FAM107A: variants seen among roughly 807,000 people sequenced by gnomAD.
FAM107A encodes the protein actin-associated protein FAM107A.
FAM107A carries 19 observed loss-of-function variants against 13.7 expected under a neutral mutation model. The ratio of observed to expected loss-of-function variants is 1.38; its 90% CI spans 0.97 to 2.03. FAM107A has a LOEUF of 2.03. Among genes scored for constraint, FAM107A ranks in the 30% most tolerant of loss-of-function variants. The pLI, the probability that FAM107A is intolerant of heterozygous loss-of-function variation, is 0.00. For missense variants in FAM107A, 203 were observed against 184.4 expected (o/e 1.10, Z -0.58); for synonymous variants, 82 against 74.5 (o/e 1.10, Z -0.52).
intron 1 of FAM107A, among the ~76,000 whole-genome samples, chr3:58,614,696 G>C (rs532628748): frequency 2.6e-5 from 4 of 152,020 alleles, no homozygotes; most frequent in African/African-American, 7.2e-5. Context: ...GTAGAGACAG[G>C]GTTTTGCCAT....
At chr3:58,591,543 C>A (rs1208563769), upstream of FAM107A, among the ~76,000 whole-genome samples, 1 of 152,142 alleles carries the variant, frequency 6.6e-6, no homozygotes, top group Non-Finnish European at 1.5e-5. This position sits in a 1 kb window ranked among gnomAD's most constrained non-coding sequence, Gnocchi z 4.3. Context: ...TCTCTGGGTT[C>A]CCTGAAAGCC....
chr3:58,584,537 G>A (rs1172564916), intron 1 of FAM107A, among the ~76,000 whole-genome samples: 2 of 152,126 alleles, frequency 1.3e-5, no homozygotes, highest in East Asian at 3.9e-4. Flanking sequence ...TGGACCATGG[G>A]CAAGGTGCTT....
intron 1 of FAM107A, among the ~76,000 whole-genome samples, chr3:58,600,008 C>A (rs112223724): frequency 6.6e-6 from 1 of 151,850 alleles, no homozygotes; most frequent in East Asian, 1.9e-4. Context: ...TGTTATTCTT[C>A]GGCAAAAAGT....
intron 3 of FAM107A, 155 bp from the exon 4 acceptor site, chr3:58,566,850 C>T: frequency 1.6e-6 from 1 of 641,744 alleles, no homozygotes; most frequent in South Asian, 1.9e-5. Context: ...GGGCACAGAG[C>T]ATGAGACTGA....
chr3:58,575,702 T>G (rs2108050219), intron 1 of FAM107A, among the ~76,000 whole-genome samples: 1 of 152,340 alleles, frequency 6.6e-6, no homozygotes, highest in Non-Finnish European at 1.5e-5. Context: ...GTGAGCCCAT[T>G]TTATAGATAA....
At chr3:58,598,494 C>T (rs1417790304) in intron 1 of FAM107A, among the ~76,000 whole-genome samples, 1 of 152,166 alleles carries the variant, frequency 6.6e-6, no homozygotes, top group Non-Finnish European at 1.5e-5. Flanking sequence ...TGGGTGGGAG[C>T]CACCCACCCC....
chr3:58,595,474 T>G (rs1406228468), intron 1 of FAM107A, among the ~76,000 whole-genome samples: 1 of 152,168 alleles, frequency 6.6e-6, no homozygotes, highest in Non-Finnish European at 1.5e-5. Flanking sequence ...TCCCTGCCCT[T>G]GCGATAATGT....
chr3:58,612,848 C>G (rs1023352289), intron 1 of FAM107A, among the ~76,000 whole-genome samples: 1 of 152,130 alleles, frequency 6.6e-6, no homozygotes, highest in East Asian at 1.9e-4. Context: ...CTCATCACCG[C>G]CCCCTTGCCT....
At chr3:58,599,983 A>C (rs1016149609) in intron 1 of FAM107A, among the ~76,000 whole-genome samples, 1 of 151,962 alleles carries the variant, frequency 6.6e-6, no homozygotes, top group Non-Finnish European at 1.5e-5. Flanking sequence ...GCCCAGGTGC[A>C]GTATTAAATA....
rs1376559987 is a variant in FAM107A, at chr3:58,569,155, A to G, written c.170+536T>C. On this transcript the variant is annotated intron_variant, in intron 2 of 3. Coordinates refer to ENST00000360997, the MANE Select transcript of FAM107A (RefSeq NM_001076778.3). The surrounding 1 kb of genome is among the most constrained non-coding windows in gnomAD (Gnocchi z 5.7). The stretch of plus-strand genomic sequence containing the variant: ...TGACTCCTGTTTCCTGTTCATTTAC[A>G]TATGAGGTTCCCTCTGCCATCCAGC... Among the ~76,000 whole-genome samples, 1 of 152,150 alleles carries G rather than the reference A, an allele frequency of 6.6e-6. No individual in the cohort carries two copies. Among genetic ancestry groups the G allele is most frequent in the Non-Finnish European group, 1.5e-5 (1 of 68,028 alleles).
At chr3:58,622,854 C>T (rs570117564) in intron 1 of FAM107A, among the ~76,000 whole-genome samples, 94 of 152,302 alleles carry the variant, frequency 6.2e-4, no homozygotes, top group Middle Eastern at 3.4e-3. Flanking sequence ...CCTTGAGCCT[C>T]CCACTCTGGG....
intron 1 of FAM107A, among the ~76,000 whole-genome samples, chr3:58,572,452 G>T (rs2063693756): frequency 6.6e-6 from 1 of 152,158 alleles, no homozygotes; most frequent in African/African-American, 2.4e-5. Flanking sequence ...TGAGGAAGGA[G>T]GCCATTTGGG....
In FAM107A at chr3:58,623,981, G is replaced by A. The variant is rs541787621; in HGVS notation, c.-70+3435C>T. ...GCTTGTGGTTGTGTCCTCTATCCTG[G>A]GCGAGGGCACTGGCCACTGCTGATT... On this transcript the variant is annotated intron_variant, in intron 1 of 3. Coordinates refer to the FAM107A transcript ENST00000465970. Among the ~76,000 whole-genome samples the A allele has an allele frequency of 1.5e-4, 23 of 152,338 alleles. No individual in the cohort carries two copies. In the South Asian group the frequency reaches 2.7e-3, roughly 18 times the overall value.
intron 1 of FAM107A, among the ~76,000 whole-genome samples, chr3:58,621,750 G>C (rs1161490896): frequency 6.6e-6 from 1 of 152,216 alleles, no homozygotes; most frequent in Non-Finnish European, 1.5e-5. Context: ...CCTGAGTCTG[G>C]ATGCTTTCCA....
At chr3:58,567,516 A>G in intron 2 of FAM107A, 152 bp from the exon 3 acceptor site, 1 of 856,190 alleles carries the variant, frequency 1.2e-6, no homozygotes, top group Non-Finnish European at 1.8e-6. Context: ...GTCCCATTTT[A>G]CAGGGACAGA....
intron 1 of FAM107A, among the ~76,000 whole-genome samples, chr3:58,592,342 G>T (rs1367962317): frequency 2.0e-5 from 3 of 152,118 alleles, no homozygotes; most frequent in Non-Finnish European, 4.4e-5. Flanking sequence ...GCAGCTCCCA[G>T]ACCTGGAGTT....
chr3:58,583,274 C>A (rs1162049714), intron 1 of FAM107A, among the ~76,000 whole-genome samples: 4 of 152,172 alleles, frequency 2.6e-5, no homozygotes, highest in Admixed American at 1.3e-4. Flanking sequence ...GCCTCCTCCT[C>A]TTTAGTCTCA....
chr3:58,626,528 C>T (rs1211819216), intron 1 of FAM107A, among the ~76,000 whole-genome samples: 1 of 152,194 alleles, frequency 6.6e-6, no homozygotes, highest in Non-Finnish European at 1.5e-5. Context: ...CCCTATTTTA[C>T]AGGTGAGGAA....
chr3:58,598,171 G>A (rs1163324467), intron 1 of FAM107A, among the ~76,000 whole-genome samples: 1 of 152,166 alleles, frequency 6.6e-6, no homozygotes, highest in Non-Finnish European at 1.5e-5. Context: ...CCACCCTGTT[G>A]TGAGGTGACG....
Sources: allele counts gnomAD v4.1 joint callset (sites outside exome capture counted in the v4.1 genomes callset), GRCh38; gene constraint gnomAD v4.1.1; non-coding constraint Gnocchi (gnomAD v3.1); transcripts MANE v1.5; gene names NCBI Gene and HGNC (gene_info 2026-07-23, HGNC 2026-07-21).